DSCAM: variants seen among roughly 807,000 people sequenced by gnomAD.
DSCAM encodes cell adhesion molecule DSCAM.
Under a neutral mutation model 217.7 loss-of-function variants are expected in DSCAM, and 47 were observed. That is an observed-to-expected ratio of 0.22 (90% CI 0.17 to 0.28). The LOEUF is 0.28. Among genes scored for constraint, DSCAM ranks in the 10% least tolerant of loss-of-function variants. The probability of loss-of-function intolerance (pLI) is 1.00; values close to 1 mark genes in which losing one functional copy is unlikely to be tolerated. For missense variants in DSCAM, 2,080 were observed against 2,618.3 expected (o/e 0.79, Z 4.49); for synonymous variants, 1,056 against 1,015.3 (o/e 1.04, Z -0.76).
intron 4 of DSCAM, among the ~76,000 whole-genome samples, chr21:40,360,946 T>C (rs984336364): frequency 6.6e-5 from 10 of 152,180 alleles, no homozygotes; most frequent in Non-Finnish European, 1.0e-4. Flanking sequence ...TGTATAAGTG[T>C]TCCCTTTTCT....
chr21:40,642,508 T>A (rs559595840), intron 3 of DSCAM, among the ~76,000 whole-genome samples: 7 of 151,974 alleles, frequency 4.6e-5, no homozygotes, highest in Non-Finnish European at 8.8e-5. Context: ...GTTACAGGAG[T>A]TTTTGGTTCC....
intron 1 of DSCAM, among the ~76,000 whole-genome samples, chr21:40,713,906 G>A (rs2090811105): frequency 1.3e-5 from 2 of 152,162 alleles, no homozygotes; most frequent in South Asian, 4.1e-4. Flanking sequence ...TGCTACCCAA[G>A]CTGTCTCGGG....
rs148789497 is a variant in DSCAM, at chr21:40,583,827, CA to C, written c.508+108982del. Among the ~76,000 whole-genome samples, 1,335 of 150,332 alleles carry C rather than the reference CA, an allele frequency of 8.9e-3. 23 individuals are homozygous for C. Among genetic ancestry groups the C allele is most frequent in the African/African-American group, 0.031 (1,268 of 40,928 alleles). On this transcript the variant is annotated intron_variant, in intron 3 of 32. Transcript: ENST00000400454. ...AAGGGAGGCTGTGCATGTGTGGGAT[CA>C]GGGGTGTACAGGAAACCTCTGTACC...
chr21:40,827,483 A>G (rs111450327), intron 1 of DSCAM, among the ~76,000 whole-genome samples: 41 of 133,432 alleles, frequency 3.1e-4, no homozygotes, highest in South Asian at 4.8e-4. Context: ...AAAAAAAAAA[A>G]AAAGAAAAGA....
chr21:40,289,134 A>G (rs541485123), intron 10 of DSCAM, among the ~76,000 whole-genome samples: 1 of 152,362 alleles, frequency 6.6e-6, no homozygotes, highest in African/African-American at 2.4e-5. Flanking sequence ...AGAAGCCTAG[A>G]AAAATGTAAC....
chr21:40,405,232 G>T (rs1232870424), intron 3 of DSCAM, among the ~76,000 whole-genome samples: 1 of 152,174 alleles, frequency 6.6e-6, no homozygotes, highest in Non-Finnish European at 1.5e-5. Context: ...ATGTAACAGG[G>T]TCTTTCATGC....
intron 1 of DSCAM, among the ~76,000 whole-genome samples, chr21:40,728,895 G>A (rs1331745998): frequency 1.3e-5 from 2 of 152,148 alleles, no homozygotes; most frequent in Non-Finnish European, 2.9e-5. Context: ...CCTGGATTCC[G>A]TATTGTGTGT....
chr21:40,047,581 GATAAT>G lies in DSCAM; in HGVS notation c.5186-3311_5186-3307del, dbSNP rs149921598. Among the ~76,000 whole-genome samples, 27 of 152,284 alleles carry G rather than the reference GATAAT, an allele frequency of 1.8e-4. No homozygotes were observed. The East Asian group carries it at 3.3e-3, about 19-fold the overall frequency. ...GTTTGGGATGAGAGAGGATTTTGTA[GATAAT>G]ATAATAGGTTACAGAACATGTCATG... is the stretch of plus-strand genomic sequence containing the variant. On this transcript the variant is annotated intron_variant, in intron 30 of 32. Coordinates refer to ENST00000400454, the MANE Select transcript of DSCAM (RefSeq NM_001389.5).
chr21:40,048,009 A>G (rs2088869784), intron 30 of DSCAM, among the ~76,000 whole-genome samples: 1 of 152,220 alleles, frequency 6.6e-6, no homozygotes, highest in Non-Finnish European at 1.5e-5. Flanking sequence ...AAGGCCATGT[A>G]GAATGACTGA....
intron 1 of DSCAM, among the ~76,000 whole-genome samples, chr21:40,741,375 T>C (rs2091122093): frequency 6.6e-6 from 1 of 152,150 alleles, no homozygotes; most frequent in South Asian, 2.1e-4. Flanking sequence ...TGAATGCACA[T>C]GCATGCACTC....
At chr21:40,700,914 T>C (rs948751156) in intron 2 of DSCAM, among the ~76,000 whole-genome samples, 1 of 152,084 alleles carries the variant, frequency 6.6e-6, no homozygotes, top group African/African-American at 2.4e-5. Flanking sequence ...TTTTTGTGTT[T>C]CTAGTAGAGA....
At chr21:40,407,778 C>A (rs73359133) in intron 3 of DSCAM, among the ~76,000 whole-genome samples, 213 of 152,338 alleles carry the variant, frequency 1.4e-3, no homozygotes, top group African/African-American at 4.4e-3. Context: ...GAAGCAGGGA[C>A]AAGCTGCCCT....
intron 32 of DSCAM, among the ~76,000 whole-genome samples, chr21:40,015,514 C>T (rs1292350741): frequency 6.6e-6 from 1 of 151,770 alleles, no homozygotes; most frequent in African/African-American, 2.4e-5. Context: ...ACTGTAGCCT[C>T]AAACTCCTGG....
intron 3 of DSCAM, among the ~76,000 whole-genome samples, chr21:40,541,431 A>C (rs1183504286): frequency 6.6e-6 from 1 of 152,216 alleles, no homozygotes; most frequent in African/African-American, 2.4e-5. Context: ...GCTTAAATTT[A>C]AGTATTTTAA....
chr21:40,325,950 G>A (rs567367532), intron 8 of DSCAM, among the ~76,000 whole-genome samples: 20 of 152,238 alleles, frequency 1.3e-4, no homozygotes, highest in African/African-American at 4.8e-4. Context: ...AGATACCCAT[G>A]GTAGTATTTG....
At chr21:40,439,057 CCT>C (rs939490113) in intron 3 of DSCAM, among the ~76,000 whole-genome samples, 2 of 152,044 alleles carry the variant, frequency 1.3e-5, no homozygotes, top group Non-Finnish European at 2.9e-5. Context: ...AAGCAACATC[CCT>C]GTTTACCACC....
At chr21:40,366,382 TTTA>T (rs577321537) in intron 4 of DSCAM, among the ~76,000 whole-genome samples, 158 of 152,282 alleles carry the variant, frequency 1.0e-3, no homozygotes, top group African/African-American at 3.3e-3. Flanking sequence ...TTCTGTTGTG[TTTA>T]TCCTCTGATG....
At chr21:40,805,698 G>A (rs1221542467) in intron 1 of DSCAM, among the ~76,000 whole-genome samples, 1 of 143,382 alleles carries the variant, frequency 7.0e-6, no homozygotes, top group Non-Finnish European at 1.6e-5. Flanking sequence ...TAAACACAAT[G>A]TTTTCTTTCT....
rs559891185 is a variant in DSCAM at position 40,033,502 on chromosome 21, C to T, written c.5686+8869G>A. 6.6e-4 allele frequency among the ~76,000 whole-genome samples: 101 copies of T among 151,950 alleles called. 2 individuals are homozygous for T. Among genetic ancestry groups the T allele is most frequent in the African/African-American group, 2.0e-3 (81 of 41,224 alleles). ...CACGGCGCACCACGAGACTATATCCCGCACCTGGCTTGGAGGGTCCCACAC... is the reference window on the plus strand; with the variant it reads ...CACGGCGCACCACGAGACTATATCCTGCACCTGGCTTGGAGGGTCCCACAC... On this transcript the variant is annotated intron_variant, in intron 32 of 32. Coordinates refer to ENST00000400454, the MANE Select transcript of DSCAM (RefSeq NM_001389.5).
Sources: allele counts gnomAD v4.1 joint callset (sites outside exome capture counted in the v4.1 genomes callset), GRCh38; gene constraint gnomAD v4.1.1; transcripts MANE v1.5; gene names NCBI Gene and HGNC (gene_info 2026-07-23, HGNC 2026-07-21).